The following CCNB3 variants were observed in gnomAD, a reference collection of about 807,000 sequenced individuals.
CCNB3 encodes the protein cyclin B3, also known as G2/mitotic-specific cyclin-B3.
In CCNB3, 12 loss-of-function variants were observed where a neutral mutation model predicts 68.0. That is an observed-to-expected ratio of 0.18 (90% CI 0.11 to 0.29). CCNB3 has a LOEUF of 0.29. Ranked by LOEUF, CCNB3 falls within the 10% of genes least tolerant of loss-of-function variation. The pLI is 1.00. For missense variants in CCNB3, 904 were observed against 993.1 expected, an observed-to-expected ratio of 0.91 and a Z score of 1.21; for synonymous variants, 354 against 388.9, an observed-to-expected ratio of 0.91 and a Z score of 1.06.
At chrX:50,346,589 A>G in intron 9 of CCNB3, 63 bp from the exon 10 acceptor site, 1 of 1,104,876 alleles carries the variant, frequency 9.1e-7, no homozygotes, top group Non-Finnish European at 1.2e-6. Flanking sequence ...GCTGACTTTT[A>G]CCTCTAAGCA....
At chrX:50,330,261 C>T (rs782514188) in intron 8 of CCNB3, among the ~76,000 whole-genome samples, 1 of 111,932 alleles carries the variant, frequency 8.9e-6, no homozygotes, top group East Asian at 2.8e-4. Flanking sequence ...CAGGGATTTT[C>T]ACAGTGCTTT....
At chrX:50,312,391 A>T in intron 6 of CCNB3, 146 bp from the exon 7 acceptor site, 1 of 496,036 alleles carries the variant, frequency 2.0e-6, no homozygotes, top group Non-Finnish European at 3.5e-6. Context: ...GCCAAGGAGT[A>T]CTGTGTTATG....
At chrX:50,303,447 G>A (rs1177121930) in intron 5 of CCNB3, among the ~76,000 whole-genome samples, 2 of 107,546 alleles carry the variant, frequency 1.9e-5, no homozygotes, top group African/African-American at 6.9e-5. Context: ...TGCCCAGCTG[G>A]CAGTGTTTTT....
chrX:50,304,241 T>A (rs1936710330), intron 5 of CCNB3, among the ~76,000 whole-genome samples: 1 of 111,670 alleles, frequency 9.0e-6, no homozygotes, highest in Non-Finnish European at 1.9e-5. Flanking sequence ...CAGCTTCATG[T>A]TGTGTTTTGA....
intron 8 of CCNB3, among the ~76,000 whole-genome samples, chrX:50,314,621 A>G (rs1921631773): frequency 8.9e-6 from 1 of 111,893 alleles, no homozygotes; most frequent in Non-Finnish European, 1.9e-5. Context: ...GTATCAGAGG[A>G]GTGGTTCAGG....
intron 8 of CCNB3, among the ~76,000 whole-genome samples, chrX:50,329,809 C>T (rs1378039589): frequency 1.8e-5 from 2 of 112,242 alleles, no homozygotes; most frequent in Non-Finnish European, 3.8e-5. Flanking sequence ...CAAACTTCTG[C>T]ACTCTGCTTC....
chrX:50,286,593 A>T (rs9698198), intron 3 of CCNB3, among the ~76,000 whole-genome samples: 11,742 of 102,201 alleles, frequency 0.11, 1,748 homozygotes, highest in African/African-American at 0.4. Flanking sequence ...CCTGAGCCAC[A>T]GTGCCTGGCC....
intron 3 of CCNB3, among the ~76,000 whole-genome samples, chrX:50,287,446 G>A (rs1055117784): frequency 9.0e-6 from 1 of 111,590 alleles, no homozygotes; most frequent in Non-Finnish European, 1.9e-5. Flanking sequence ...AATCATATCA[G>A]ACTACATTAT....
At chrX:50,219,487 A>G (rs1418645253) in intron 1 of CCNB3, among the ~76,000 whole-genome samples, 1 of 111,471 alleles carries the variant, frequency 9.0e-6, no homozygotes, top group Non-Finnish European at 1.9e-5. Context: ...TTTTCTGCAT[A>G]TGGCTAGCCA....
intron 5 of CCNB3, among the ~76,000 whole-genome samples, chrX:50,302,225 T>C (rs1452163561): frequency 1.8e-5 from 2 of 112,068 alleles, no homozygotes; most frequent in African/African-American, 6.5e-5. Context: ...TCTGCGTTGC[T>C]CATGCTGGGA....
At chrX:50,307,880 T>C (rs782284065) in intron 5 of CCNB3, among the ~76,000 whole-genome samples, 26 of 112,269 alleles carry the variant, frequency 2.3e-4, no homozygotes, top group Non-Finnish European at 4.3e-4. Context: ...TTCTGAACTT[T>C]AGTCTTTCTG....
intron 1 of CCNB3, among the ~76,000 whole-genome samples, chrX:50,228,801 G>T (rs1467361318): frequency 5.3e-3 from 230 of 43,396 alleles, no homozygotes; most frequent in African/African-American, 0.015. Flanking sequence ...ATATAGAATA[G>T]ATATATAGAA....
chrX:50,300,505 T>A (rs1200489150), intron 5 of CCNB3, among the ~76,000 whole-genome samples: 1 of 112,147 alleles, frequency 8.9e-6, no homozygotes, highest in African/African-American at 3.2e-5. Flanking sequence ...AGAGATCTGC[T>A]GTAAGTCTGA....
At chrX:50,221,259 A>G (rs991077406) in intron 1 of CCNB3, among the ~76,000 whole-genome samples, 11 of 111,054 alleles carry the variant, frequency 9.9e-5, no homozygotes, top group Non-Finnish European at 1.7e-4. Context: ...AGGGTTTTTC[A>G]TGTGTCTGTC....
At chrX:50,223,429 A>T (rs1935704368) in intron 1 of CCNB3, among the ~76,000 whole-genome samples, 1 of 111,058 alleles carries the variant, frequency 9.0e-6, no homozygotes, top group African/African-American at 3.3e-5. Flanking sequence ...GATGTTGGTG[A>T]CCTTCGGATG....
rs1921395690 is a variant in CCNB3 at position 50,310,823 on chromosome X, G to C, written c.2654G>C (p.Ser885Thr). 1 of 1,210,358 alleles carries C rather than the reference G, an allele frequency of 8.3e-7. No individual in the cohort carries two copies. The change falls in exon 6 of 13, where the codon AGC becomes ACC. Residue 885 changes from serine (S) to threonine (T), a missense_variant. Physicochemically the swap from Ser to Thr is moderately conservative, Grantham distance 58 (BLOSUM62 1). Coordinates refer to ENST00000376042, the MANE Select transcript of CCNB3 (RefSeq NM_033031.3). Reference sequence around the variant, plus strand: ...CACTCAGCTTTGTGGGAGAAGCCCAGCACTGAGAAGGAGACCATCTTCAAG... The same window carrying C: ...CACTCAGCTTTGTGGGAGAAGCCCACCACTGAGAAGGAGACCATCTTCAAG... ...KRHSALWEKP[S>T]TEKETIFKES...
intron 5 of CCNB3, among the ~76,000 whole-genome samples, chrX:50,300,180 T>A (rs1936594001): frequency 9.0e-6 from 1 of 111,647 alleles, no homozygotes; most frequent in Admixed American, 9.5e-5. Flanking sequence ...GTCATTATGA[T>A]GTTAGTTGGT....
Position 50,223,059 on chromosome X carries a change from C to G in CCNB3, c.-113+18109C>G, listed in dbSNP as rs1935697014. Among the ~76,000 whole-genome samples the G allele has an allele frequency of 2.7e-5, 3 of 110,420 alleles. No homozygotes were observed. The South Asian group carries it at 1.2e-3, about 43-fold the overall frequency. ...TTATTCCGCTTGATTGATTTGGCTA[C>G]TGATACTTGTGCATGCTTCACGAAG... On this transcript the variant is annotated intron_variant, in intron 1 of 12. Coordinates refer to ENST00000376042, the MANE Select transcript of CCNB3 (RefSeq NM_033031.3).
Position 50,342,186 on chromosome X carries a change from G to A in CCNB3, c.3517-16G>A. The A allele has an allele frequency of 8.3e-7, 1 of 1,210,562 alleles. No individual in the cohort carries two copies. The highest frequency in any genetic ancestry group is 1.8e-5 in the South Asian group (1 of 56,921). ...TGGACAATATGCAGATCTGTGTCGT[G>A]TGTGTGTTCCTCCAGGTGTCCTTTG... On this transcript the variant is annotated splice_polypyrimidine_tract_variant and intron_variant, in intron 8 of 12. Coordinates refer to ENST00000376042, the MANE Select transcript of CCNB3 (RefSeq NM_033031.3).
Sources: allele counts gnomAD v4.1 joint callset (sites outside exome capture counted in the v4.1 genomes callset), GRCh38; gene constraint gnomAD v4.1.1; transcripts MANE v1.5; gene names NCBI Gene and HGNC (gene_info 2026-07-23, HGNC 2026-07-21).